DAB1: variants seen among roughly 807,000 people sequenced by gnomAD.
The protein encoded by DAB1 is disabled homolog 1.
DAB1 carries 15 observed loss-of-function variants against 64.6 expected under a neutral mutation model. The observed-to-expected ratio is 0.23, with a 90% CI of 0.16 to 0.36. The LOEUF (loss-of-function observed/expected upper bound fraction) is 0.36. Among genes scored for constraint, DAB1 ranks in the 10% least tolerant of loss-of-function variants. The pLI is 1.00. For synonymous variants in DAB1, 235 were observed against 251.9 expected (o/e 0.93, Z 0.64); for missense variants, 596 against 706.7 (o/e 0.84, Z 1.78).
chr1:57,497,267 CTTG>C (rs1404407541), intron 7 of DAB1, among the ~76,000 whole-genome samples: 2 of 152,190 alleles, frequency 1.3e-5, no homozygotes, highest in African/African-American at 4.8e-5. Flanking sequence ...TGTTTATTTA[CTTG>C]TTTAATTTCA....
chr1:57,767,567 T>C (rs1412315557), intron 6 of DAB1, among the ~76,000 whole-genome samples: 2 of 152,294 alleles, frequency 1.3e-5, no homozygotes, highest in African/African-American at 4.8e-5. Flanking sequence ...TAGAGTTTAC[T>C]ACAATGTAAA....
chr1:58,352,099 T>C (rs370827506), intron 3 of DAB1, among the ~76,000 whole-genome samples: 8 of 152,010 alleles, frequency 5.3e-5, no homozygotes, highest in African/African-American at 1.9e-4. Context: ...GCTCAGGGCA[T>C]CCTGTTATCT....
chr1:58,081,205 G>A (rs1173983302), intron 5 of DAB1, among the ~76,000 whole-genome samples: 1 of 152,166 alleles, frequency 6.6e-6, no homozygotes, highest in Non-Finnish European at 1.5e-5. Context: ...CTAAAAAAGT[G>A]TTCATTTTAC....
intron 1 of DAB1, among the ~76,000 whole-genome samples, chr1:57,311,505 C>T (rs765402578): frequency 6.7e-6 from 1 of 148,222 alleles, no homozygotes; most frequent in African/African-American, 2.6e-5. Context: ...TTGTTCTTCC[C>T]CACCTCCTGC....
At chr1:57,373,983 T>A (rs575791303) in intron 1 of DAB1, among the ~76,000 whole-genome samples, 5 of 152,250 alleles carry the variant, frequency 3.3e-5, no homozygotes, top group African/African-American at 1.2e-4. Flanking sequence ...GTATGCACAT[T>A]TTTTTTGAGC....
chr1:57,567,969 A>T (rs1239016205), intron 7 of DAB1, among the ~76,000 whole-genome samples: 2 of 152,166 alleles, frequency 1.3e-5, no homozygotes, highest in Non-Finnish European at 2.9e-5. Flanking sequence ...CATTGCCAAG[A>T]CAATCCTAAG....
intron 5 of DAB1, among the ~76,000 whole-genome samples, chr1:57,987,188 C>A (rs1156228987): frequency 6.6e-6 from 1 of 152,038 alleles, no homozygotes; most frequent in East Asian, 1.9e-4. Context: ...AAATCAGCCC[C>A]ATTTATAGGA....
At chr1:57,344,953 G>A (rs1039992845) in intron 1 of DAB1, among the ~76,000 whole-genome samples, 1 of 152,126 alleles carries the variant, frequency 6.6e-6, no homozygotes, top group African/African-American at 2.4e-5. Flanking sequence ...CAACATTGCT[G>A]TTGTTATTAT....
intron 1 of DAB1, among the ~76,000 whole-genome samples, chr1:57,839,519 T>G (rs1019847345): frequency 1.2e-4 from 19 of 152,398 alleles, no homozygotes; most frequent in African/African-American, 4.1e-4. Context: ...ATTTATTATT[T>G]GCAATATATT....
intron 1 of DAB1, among the ~76,000 whole-genome samples, chr1:57,306,281 AT>A (rs553633224): frequency 6.4e-4 from 97 of 152,266 alleles, no homozygotes; most frequent in Admixed American, 1.8e-3. Flanking sequence ...ATCTACCTAT[AT>A]CTTGCCCTTC....
chr1:57,544,814 G>C (rs1394489165), intron 7 of DAB1, among the ~76,000 whole-genome samples: 5 of 152,168 alleles, frequency 3.3e-5, no homozygotes, highest in Non-Finnish European at 7.3e-5. Context: ...TTTCCTTCCT[G>C]CCATCATGTG....
chr1:57,986,646 T>C (rs1646226264), intron 5 of DAB1, among the ~76,000 whole-genome samples: 1 of 152,162 alleles, frequency 6.6e-6, no homozygotes, highest in African/African-American at 2.4e-5. Context: ...GAAACCGCAA[T>C]TCAGGAAGTC....
chr1:57,653,991 T>C (rs898211218), intron 6 of DAB1, among the ~76,000 whole-genome samples: 1 of 152,234 alleles, frequency 6.6e-6, no homozygotes, highest in Non-Finnish European at 1.5e-5. Flanking sequence ...CATTTGGTAT[T>C]GTCAGATCAG....
intron 6 of DAB1, among the ~76,000 whole-genome samples, chr1:57,803,720 A>G (rs1404211835): frequency 6.6e-6 from 1 of 152,220 alleles, no homozygotes; most frequent in African/African-American, 2.4e-5. Context: ...TAGACCTTGA[A>G]AAAAGCTACA....
Position 58,418,213 on chromosome 1 carries a change from G to A in DAB1, n.258-74810C>T, listed in dbSNP as rs1034829756. 1.7e-4 allele frequency among the ~76,000 whole-genome samples: 26 copies of A among 152,174 alleles called. 1 individual carries two copies. Among genetic ancestry groups the A allele is most frequent in the African/African-American group, 5.8e-4 (24 of 41,428 alleles). On this transcript the variant is annotated intron_variant and non_coding_transcript_variant, in intron 3 of 20. Transcript: ENST00000485760. Reference sequence around the variant, plus strand: ...CCAAGAGTTGCCATGTTCAAAGAAAGCCCTTTAGTCTAATTTATCAGGAAT... The same window carrying A: ...CCAAGAGTTGCCATGTTCAAAGAAAACCCTTTAGTCTAATTTATCAGGAAT...
intron 1 of DAB1, among the ~76,000 whole-genome samples, chr1:57,309,259 G>C (rs1674464030): frequency 6.6e-6 from 1 of 152,118 alleles, no homozygotes; most frequent in African/African-American, 2.4e-5. Context: ...ACATCAGTTA[G>C]CTAGGTCACC....
At chr1:57,202,235 G>A (rs963648914) in intron 2 of DAB1, among the ~76,000 whole-genome samples, 15 of 152,130 alleles carry the variant, frequency 9.9e-5, no homozygotes, top group Non-Finnish European at 1.9e-4. Context: ...GGCTATAGTT[G>A]GCTTATAGGG....
At chr1:57,760,851 GA>G (rs1282079617) in intron 6 of DAB1, among the ~76,000 whole-genome samples, 1 of 152,098 alleles carries the variant, frequency 6.6e-6, no homozygotes, top group Non-Finnish European at 1.5e-5. Context: ...AAACAAATTT[GA>G]AGACTCTGCT....
chr1:57,588,145 A>C (rs1399798065), intron 7 of DAB1, among the ~76,000 whole-genome samples: 2 of 152,220 alleles, frequency 1.3e-5, no homozygotes, highest in Non-Finnish European at 2.9e-5. Flanking sequence ...ACACACAAGA[A>C]ACATTCAGGT....
Sources: allele counts gnomAD v4.1 joint callset (sites outside exome capture counted in the v4.1 genomes callset), GRCh38; gene constraint gnomAD v4.1.1; transcripts MANE v1.5; gene names NCBI Gene and HGNC (gene_info 2026-07-23, HGNC 2026-07-21).